ERI3: variants seen among roughly 807,000 people sequenced by gnomAD.
ERI3 encodes the protein ERI1 exoribonuclease 3.
Under a neutral mutation model 44.4 loss-of-function variants are expected in ERI3, and 18 were observed. The ratio of observed to expected loss-of-function variants is 0.41; its 90% confidence interval spans 0.28 to 0.60. The LOEUF (loss-of-function observed/expected upper bound fraction) is 0.60, where lower values mean the gene tolerates loss of function less well. Among genes scored for constraint, ERI3 ranks in the 20% least tolerant of loss-of-function variants. The probability of loss-of-function intolerance (pLI) is 0.36; values close to 1 mark genes in which losing one functional copy is unlikely to be tolerated. For synonymous variants in ERI3, 183 were observed against 164.8 expected, an observed-to-expected ratio of 1.11 and a Z score of -0.84; for missense variants, 294 against 435.5, an observed-to-expected ratio of 0.68 and a Z score of 2.89.
At chr1:44,236,184 C>T (rs923660380) in intron 8 of ERI3, among the ~76,000 whole-genome samples, 1 of 152,142 alleles carries the variant, frequency 6.6e-6, no homozygotes, top group Admixed American at 6.5e-5. Context: ...CTCCCCCTGC[C>T]CTGGCACCCA....
At chr1:44,262,694 T>G (rs1265148115) in intron 7 of ERI3, among the ~76,000 whole-genome samples, 1 of 152,178 alleles carries the variant, frequency 6.6e-6, no homozygotes, top group East Asian at 1.9e-4. Flanking sequence ...CTTCTAGAAG[T>G]GTCAAGGCTT....
intron 3 of ERI3, among the ~76,000 whole-genome samples, chr1:44,334,002 A>G (rs891948973): frequency 2.0e-5 from 3 of 152,246 alleles, no homozygotes; most frequent in Non-Finnish European, 4.4e-5. Flanking sequence ...ATTTTTCTCC[A>G]AAGTTATGGG....
At chr1:44,245,641 A>C (rs987156560) in intron 8 of ERI3, among the ~76,000 whole-genome samples, 5 of 152,164 alleles carry the variant, frequency 3.3e-5, no homozygotes, top group African/African-American at 1.2e-4. Flanking sequence ...CAGCCAGATA[A>C]AGAAACCTTC....
At chr1:44,282,869 G>A (rs1226389986) in intron 7 of ERI3, among the ~76,000 whole-genome samples, 1 of 152,110 alleles carries the variant, frequency 6.6e-6, no homozygotes, top group African/African-American at 2.4e-5. Flanking sequence ...CAGTCTGCAG[G>A]GGAACCAAAC....
chr1:44,255,215 A>T (rs1644757117), intron 7 of ERI3, among the ~76,000 whole-genome samples: 1 of 152,094 alleles, frequency 6.6e-6, no homozygotes, highest in African/African-American at 2.4e-5. Flanking sequence ...CCAACTTCTC[A>T]AGACTGCCTC....
intron 8 of ERI3, among the ~76,000 whole-genome samples, chr1:44,223,959 C>T (rs1026939622): frequency 4.6e-5 from 7 of 152,212 alleles, no homozygotes; most frequent in African/African-American, 1.7e-4. Context: ...CGTCCAATCA[C>T]GAGCTAATTT....
chr1:44,225,464 A>G (rs564816726), intron 8 of ERI3, among the ~76,000 whole-genome samples: 27 of 152,260 alleles, frequency 1.8e-4, no homozygotes, highest in African/African-American at 6.0e-4. Context: ...AGGATCATCA[A>G]TTTGTGACAA....
intron 7 of ERI3, among the ~76,000 whole-genome samples, chr1:44,269,457 T>C (rs1645049435): frequency 6.6e-6 from 1 of 152,230 alleles, no homozygotes; most frequent in Admixed American, 6.5e-5. Context: ...TTCACCCACA[T>C]TCCCATTTGT....
Position 44,221,688 on chromosome 1 carries a change from C to T in ERI3, c.932-48G>A, listed in dbSNP as rs1643900488. The stretch of plus-strand genomic sequence containing the variant: ...AGATCAGCCCCAGATCCTTCCCCTC[C>T]ATGCCCACAGGTGCTCTTACAAGGG... On this transcript the variant is annotated intron_variant, in intron 8 of 8. Coordinates refer to ENST00000372257, the MANE Select transcript of ERI3 (RefSeq NM_024066.3). The surrounding 1 kb of genome is among the most constrained non-coding windows in gnomAD (Gnocchi z 5.9). 6.7e-7 allele frequency: 1 copy of T among 1,495,778 alleles called. No individual in the cohort carries two copies. Among genetic ancestry groups the T allele is most frequent in the Non-Finnish European group, 9.3e-7 (1 of 1,072,884 alleles). 92.7% of individuals were successfully genotyped at this position (1,495,778 alleles called of 1,614,324 possible).
intron 4 of ERI3, among the ~76,000 whole-genome samples, chr1:44,314,894 C>A (rs949404773): frequency 2.6e-5 from 4 of 152,248 alleles, no homozygotes; most frequent in Non-Finnish European, 4.4e-5. Context: ...TACCGAGAGC[C>A]TCTACATCTT....
rs1557867473 is a variant in ERI3, at chr1:44,342,826, T to TATATATATATAA, written c.212-3505_212-3504insTTATATATATAT. Among the ~76,000 whole-genome samples the TATATATATATAA allele has an allele frequency of 1.2e-3, 20 of 17,294 alleles. 1 individual carries two copies. The highest frequency in any genetic ancestry group is 5.2e-3 in the African/African-American group (20 of 3,858). 11.3% of individuals were successfully genotyped at this position (17,294 alleles called of 152,430 possible). A position where few individuals can be genotyped will look rare whatever the true frequency, so the allele number is the denominator to read the frequency against. On this transcript the variant is annotated intron_variant, in intron 2 of 8. Coordinates refer to ENST00000372257, the MANE Select transcript of ERI3 (RefSeq NM_024066.3). ...CACATCCAGCTAATATATATATATATATATATATATATATATATATATATA... is the reference window on the plus strand; with the variant it reads ...CACATCCAGCTAATATATATATATATATATATATATAAATATATATATATATATATATATATA...
rs538641055 is a variant in ERI3, at chr1:44,232,274, C to T, written c.932-10634G>A. Among the ~76,000 whole-genome samples, 6 of 152,308 alleles carry T rather than the reference C, an allele frequency of 3.9e-5. No homozygotes were observed. In the South Asian group the frequency reaches 6.2e-4, roughly 16 times the overall value. On this transcript the variant is annotated intron_variant, in intron 8 of 8. Coordinates refer to ENST00000372257, the MANE Select transcript of ERI3 (RefSeq NM_024066.3). ...GAGGCAGGCCGAAGGACAAAGAGGA[C>T]GCTGCTATTTCAGGCTGGGAAGTTG...
At chr1:44,242,760 G>A (rs374482067) in intron 8 of ERI3, among the ~76,000 whole-genome samples, 9 of 152,164 alleles carry the variant, frequency 5.9e-5, no homozygotes, top group Admixed American at 2.0e-4. Flanking sequence ...TGGGCAAGAC[G>A]GGGGCTGGCG....
In ERI3 at chr1:44,304,417, T is replaced by G. The variant is rs530454847; in HGVS notation, c.758+3893A>C. On this transcript the variant is annotated intron_variant, in intron 6 of 8. Coordinates refer to ENST00000372257, the MANE Select transcript of ERI3 (RefSeq NM_024066.3). ...AAATAAGTATTAATATCTACCCAAG[T>G]GACTGAGGAGGAGAAGCCAGAGAAA... Among the ~76,000 whole-genome samples, 53 of 152,144 alleles carry G rather than the reference T, an allele frequency of 3.5e-4. No individual in the cohort carries two copies. The South Asian group carries it at 8.9e-3, about 26-fold the overall frequency.
At chr1:44,236,115 G>A (rs1256894386) in intron 8 of ERI3, among the ~76,000 whole-genome samples, 1 of 152,226 alleles carries the variant, frequency 6.6e-6, no homozygotes, top group African/African-American at 2.4e-5. Context: ...CAGTGTGGCT[G>A]TGAATTAATC....
chr1:44,243,521 G>T (rs1644488328), intron 8 of ERI3: 1 of 152,212 alleles, frequency 6.6e-6, no homozygotes. Context: ...GCCCAAGTGT[G>T]TGTTTTGAAC....
intron 6 of ERI3, among the ~76,000 whole-genome samples, chr1:44,301,868 C>T (rs551470323): frequency 6.6e-6 from 1 of 152,342 alleles, no homozygotes; most frequent in East Asian, 1.9e-4. Flanking sequence ...TGGTTGTAGG[C>T]CTAGGAGCTA....
chr1:44,297,028 G>A (rs1645625268), intron 6 of ERI3, among the ~76,000 whole-genome samples: 1 of 152,122 alleles, frequency 6.6e-6, no homozygotes. Flanking sequence ...TTTCCATGGT[G>A]TCACATTGCT....
intron 2 of ERI3, among the ~76,000 whole-genome samples, chr1:44,340,940 GAAGCCTTAATGAGATGGAAGAC>G (rs1646640306): frequency 6.6e-6 from 1 of 152,174 alleles, no homozygotes; most frequent in South Asian, 2.1e-4. Flanking sequence ...AATAGTACTG[GAAGCCTTAATGAGATGGAAGAC>G]ACCAGTCTGC....
Sources: allele counts gnomAD v4.1 joint callset (sites outside exome capture counted in the v4.1 genomes callset), GRCh38; gene constraint gnomAD v4.1.1; non-coding constraint Gnocchi (gnomAD v3.1); transcripts MANE v1.5; gene names NCBI Gene and HGNC (gene_info 2026-07-23, HGNC 2026-07-21).